PLAT: variants seen among roughly 807,000 people sequenced by gnomAD.
The protein encoded by PLAT is plasminogen activator, tissue type.
In PLAT, 48 loss-of-function variants were observed where a neutral mutation model predicts 74.9. That is an observed-to-expected ratio of 0.64 (90% CI 0.51 to 0.82). The LOEUF (loss-of-function observed/expected upper bound fraction) is 0.82, where lower values mean the gene tolerates loss of function less well. Among genes scored for constraint, PLAT ranks in the 40% least tolerant of loss-of-function variants. The pLI is 0.00. For missense variants in PLAT, 673 were observed against 736.2 expected, an observed-to-expected ratio of 0.91 and a Z score of 0.99; for synonymous variants, 307 against 294.4, an observed-to-expected ratio of 1.04 and a Z score of -0.44.
intron 4 of PLAT, chr8:42,188,326 A>G (rs936381528): frequency 3.7e-6 from 1 of 269,310 alleles, no homozygotes; most frequent in Non-Finnish European, 7.0e-6. Flanking sequence ...GCTGTTGTAC[A>G]GTCTACAAAA....
chr8:42,189,138 A>T, intron 3 of PLAT, 67 bp from the exon 4 acceptor site: 1 of 1,551,094 alleles, frequency 6.4e-7, no homozygotes, highest in Non-Finnish European at 8.8e-7. Context: ...CTACCCTTGC[A>T]CCTACTGAGA....
chr8:42,182,920 A>G, intron 7 of PLAT, 30 bp from the exon 8 acceptor site: 1 of 1,586,082 alleles, frequency 6.3e-7, no homozygotes, highest in Non-Finnish European at 8.6e-7. Flanking sequence ...AAACTGAAAC[A>G]AAAACAAATT....
At chr8:42,192,982 G>A (rs1396364269) in intron 2 of PLAT, 132 bp downstream of exon 2, 2 of 652,274 alleles carry the variant, frequency 3.1e-6, no homozygotes, top group African/African-American at 1.8e-5. Flanking sequence ...AGCAATGCCA[G>A]CCCCTCGTCC....
At chr8:42,178,674 TC>T (rs1276230633) in intron 13 of PLAT, among the ~76,000 whole-genome samples, 7 of 152,254 alleles carry the variant, frequency 4.6e-5, no homozygotes, top group African/African-American at 1.2e-4. Flanking sequence ...CCTGTGCAGA[TC>T]CTGGGGAAAT....
chr8:42,178,727 T>G (rs1156275860), intron 13 of PLAT, among the ~76,000 whole-genome samples, 170 bp downstream of exon 13: 1 of 152,250 alleles, frequency 6.6e-6, no homozygotes, highest in Non-Finnish European at 1.5e-5. Context: ...GACTTTGATC[T>G]TCCTCCAGTT....
chr8:42,202,436 A>G lies in PLAT; in HGVS notation c.-27+5058T>C, dbSNP rs995026811. Among the ~76,000 whole-genome samples, 2 of 152,018 alleles carry G rather than the reference A, an allele frequency of 1.3e-5. 1 individual carries two copies. The highest frequency in any genetic ancestry group is 6.3e-3 in the Middle Eastern group (2 of 316). The stretch of plus-strand genomic sequence containing the variant: ...GCTGAAATAAAAACTGCCCACATCA[A>G]GAGTCCCATCTATGGGGCTGGAGAA... On this transcript the variant is annotated intron_variant, in intron 1 of 13. Transcript: ENST00000220809.
intron 2 of PLAT, among the ~76,000 whole-genome samples, chr8:42,192,870 C>T (rs1276663183): frequency 1.3e-5 from 2 of 152,180 alleles, no homozygotes; most frequent in Admixed American, 6.5e-5. Flanking sequence ...CATGTTAATT[C>T]CGCTTACTCA....
chr8:42,190,518 G>A lies in PLAT; in HGVS notation c.115+854C>T, dbSNP rs529664587. Among the ~76,000 whole-genome samples, 8 of 152,308 alleles carry A rather than the reference G, an allele frequency of 5.3e-5. No individual in the cohort carries two copies. The South Asian group carries it at 1.2e-3, about 24-fold the overall frequency. ...TTTCAATTAATTAAAGAAGTAGCAC[G>A]TGCCCACTGTAAGTCAGACCCTTGC... On this transcript the variant is annotated intron_variant, in intron 3 of 13. Transcript: ENST00000220809.
At chr8:42,200,446 G>A (rs111343685) in intron 1 of PLAT, among the ~76,000 whole-genome samples, 5 of 152,242 alleles carry the variant, frequency 3.3e-5, no homozygotes, top group African/African-American at 1.2e-4. Flanking sequence ...AGGCCAAGGA[G>A]GGTGGGTGGC....
chr8:42,187,098 A>G (rs999889966), intron 6 of PLAT: 6 of 281,938 alleles, frequency 2.1e-5, no homozygotes, highest in Admixed American at 1.5e-4. Context: ...TCTATCAATC[A>G]TCTATCAATC....
chr8:42,176,281 A>G (rs1804972456), intron 13 of PLAT, 130 bp from the exon 14 acceptor site: 2 of 655,264 alleles, frequency 3.1e-6, no homozygotes, highest in East Asian at 2.8e-5. Context: ...ATTCAGTGTC[A>G]TTTCATTATA....
chr8:42,179,888 C>A (rs748551808), intron 12 of PLAT, 38 bp downstream of exon 12: 1 of 1,527,712 alleles, frequency 6.5e-7, no homozygotes, highest in Non-Finnish European at 8.8e-7. Flanking sequence ...CCCTGCTGTC[C>A]CGCAGACAGG....
intron 3 of PLAT, among the ~76,000 whole-genome samples, chr8:42,191,142 G>C (rs182215687): frequency 2.6e-5 from 4 of 152,322 alleles, no homozygotes; most frequent in Admixed American, 1.3e-4. Flanking sequence ...GGCTCCTTGG[G>C]GGGGAACACC....
intron 3 of PLAT, 135 bp from the exon 4 acceptor site, chr8:42,189,206 C>T: frequency 3.6e-6 from 3 of 829,982 alleles, no homozygotes; most frequent in Non-Finnish European, 5.7e-6. Flanking sequence ...TGAAGAGACA[C>T]AACTGGAAGA....
intron 5 of PLAT, 62 bp from the exon 6 acceptor site, chr8:42,187,634 G>A (rs1805535465): frequency 6.9e-7 from 1 of 1,458,374 alleles, no homozygotes. Flanking sequence ...GCCCTCAGGA[G>A]GCTCCCCTCT....
intron 12 of PLAT, among the ~76,000 whole-genome samples, chr8:42,179,680 T>A: frequency 6.6e-6 from 1 of 152,136 alleles, no homozygotes; most frequent in East Asian, 1.9e-4. Flanking sequence ...CACTTCCTAC[T>A]CAGAACCTTC....
intron 6 of PLAT, chr8:42,186,257 G>A (rs1805453524): frequency 6.6e-6 from 1 of 151,618 alleles, no homozygotes; most frequent in Non-Finnish European, 1.5e-5. Flanking sequence ...ATTGTAAATG[G>A]ATAGCTTATC....
intron 1 of PLAT, among the ~76,000 whole-genome samples, chr8:42,198,400 G>A (rs1805999972): frequency 6.6e-6 from 1 of 152,224 alleles, no homozygotes; most frequent in South Asian, 2.1e-4. Flanking sequence ...GCTGAGGCAG[G>A]AGAATCGCTT....
Position 42,176,015 on chromosome 8 carries a change from A to G in PLAT, c.1667T>C (p.Ile556Thr), listed in dbSNP as rs1290979120. ...YTKVTNYLDW[I>T]RDNMRP ...TGGTCACGGTCGCATGTTGTCACGA[A>G]TCCAGTCTAGGTAGTTGGTAACCTT... is the stretch of plus-strand genomic sequence containing the variant. Residue 556 changes from isoleucine (I) to threonine (T), a missense_variant, in exon 14 of 14, where the codon ATT becomes ACT. Physicochemically the swap from Ile to Thr is moderately conservative, Grantham distance 89. Coordinates refer to ENST00000220809, the MANE Select transcript of PLAT (RefSeq NM_000930.5). The G allele has an allele frequency of 1.9e-6, 3 of 1,614,088 alleles. No homozygotes were observed. The South Asian group carries it at 3.3e-5, about 18-fold the overall frequency.
Sources: gnomAD v4.1 joint callset for allele counts (sites outside exome capture counted in the v4.1 genomes callset) on GRCh38, gnomAD v4.1.1 for gene constraint, MANE v1.5 for transcripts, NCBI Gene and HGNC (gene_info 2026-07-23, HGNC 2026-07-21) for gene names.